The following SLC43A2 variants were observed in gnomAD, a reference collection of about 807,000 sequenced individuals.
SLC43A2 encodes solute carrier family 43 member 2, also known as large neutral amino acids transporter small subunit 4.
SLC43A2 carries 38 observed loss-of-function variants against 63.2 expected under a neutral mutation model. The ratio of observed to expected loss-of-function variants is 0.60; its 90% CI spans 0.46 to 0.79. The LOEUF is 0.79. SLC43A2 is among the 30% of genes least tolerant of loss of function. SLC43A2 has a pLI of 0.00. For missense variants in SLC43A2, 644 were observed against 756.2 expected, an observed-to-expected ratio of 0.85 and a Z score of 1.74; for synonymous variants, 322 against 331.0, an observed-to-expected ratio of 0.97 and a Z score of 0.30.
chr17:1,594,832 C>T (rs950773125), intron 5 of SLC43A2, among the ~76,000 whole-genome samples: 1 of 151,750 alleles, frequency 6.6e-6, no homozygotes, highest in African/African-American at 2.4e-5. Context: ...TCGTGATCCG[C>T]CCGCCTTGGC....
chr17:1,588,183 G>C (rs1567618222), intron 9 of SLC43A2, among the ~76,000 whole-genome samples: 2 of 152,132 alleles, frequency 1.3e-5, no homozygotes, highest in African/African-American at 4.8e-5. Context: ...TGGATCACTT[G>C]AAGTCAGGAG....
chr17:1,576,453 C>T, intron 13 of SLC43A2, 144 bp downstream of exon 13: 2 of 858,952 alleles, frequency 2.3e-6, no homozygotes, highest in Non-Finnish European at 1.7e-6. Context: ...GCCTAGCCAC[C>T]ATTCACAAAG....
intron 2 of SLC43A2, among the ~76,000 whole-genome samples, chr17:1,619,025 G>T (rs1907924332): frequency 6.7e-6 from 1 of 149,582 alleles, no homozygotes; most frequent in African/African-American, 2.5e-5. Flanking sequence ...ACAGAATCAG[G>T]CCGGGTACAG....
intron 5 of SLC43A2, chr17:1,604,346 G>A (rs1003419089): frequency 5.4e-5 from 9 of 165,502 alleles, no homozygotes; most frequent in East Asian, 3.2e-4. Context: ...GAGCCACCGC[G>A]CCCGGTCATT....
rs1907585148 is a variant in SLC43A2 at position 1,615,774 on chromosome 17, C to T, written c.369-740G>A. Among the ~76,000 whole-genome samples, 4 of 148,194 alleles carry T rather than the reference C, an allele frequency of 2.7e-5. No individual in the cohort carries two copies. In the South Asian group the frequency reaches 6.5e-4, roughly 24 times the overall value. On this transcript the variant is annotated intron_variant, in intron 3 of 13. Coordinates refer to ENST00000301335, the MANE Select transcript of SLC43A2 (RefSeq NM_152346.3). ...AGGAGAATAGCGTGAACCCGGGAGG[C>T]GGAGCTCGCAGTGAGCCGAGATCGC...
chr17:1,619,776 G>A (rs774562144), intron 2 of SLC43A2, among the ~76,000 whole-genome samples: 2 of 152,204 alleles, frequency 1.3e-5, no homozygotes. Context: ...AGGTTGACAT[G>A]CAGATAGGAG....
intron 5 of SLC43A2, among the ~76,000 whole-genome samples, chr17:1,594,012 T>C (rs1905049847): frequency 6.6e-6 from 1 of 152,110 alleles, no homozygotes; most frequent in Non-Finnish European, 1.5e-5. Flanking sequence ...CTAATTTTTG[T>C]ATTTTTAGTA....
At chr17:1,594,622 C>A (rs1158485946) in intron 5 of SLC43A2, among the ~76,000 whole-genome samples, 1 of 122,872 alleles carries the variant, frequency 8.1e-6, no homozygotes, top group Non-Finnish European at 1.6e-5. Context: ...GAGTCTCGCT[C>A]TTTCGCCCAG....
At chr17:1,592,219 G>C (rs532331197) in intron 6 of SLC43A2, among the ~76,000 whole-genome samples, 1 of 152,230 alleles carries the variant, frequency 6.6e-6, no homozygotes, top group East Asian at 1.9e-4. Flanking sequence ...ATGAGGTCAG[G>C]AGTTCCAGGC....
Position 1,605,831 on chromosome 17 carries a change from G to C in SLC43A2, c.501+7364C>G, listed in dbSNP as rs1428147339. ...ACATGCTGCCCGGGACAAGGTCCTT[G>C]TGGTCACCTTTCTGCTTCAGTGCTG... is the stretch of plus-strand genomic sequence containing the variant. On this transcript the variant is annotated intron_variant, in intron 5 of 13. Coordinates refer to ENST00000301335, the MANE Select transcript of SLC43A2 (RefSeq NM_152346.3). This position sits in a 1 kb window ranked among gnomAD's most constrained non-coding sequence, Gnocchi z 4.9. 6.6e-6 allele frequency among the ~76,000 whole-genome samples: 1 copy of C among 152,282 alleles called. No homozygotes were observed. Among genetic ancestry groups the C allele is most frequent in the African/African-American group, 2.4e-5 (1 of 41,538 alleles).
chr17:1,614,900 A>G (rs1003265996), intron 4 of SLC43A2, 79 bp downstream of exon 4: 9 of 1,454,418 alleles, frequency 6.2e-6, no homozygotes. Context: ...GACAGTGTCC[A>G]AGAGCAGGTG....
chr17:1,627,427 C>A (rs752489736), intron 2 of SLC43A2, among the ~76,000 whole-genome samples: 1 of 152,160 alleles, frequency 6.6e-6, no homozygotes, highest in South Asian at 2.1e-4. Flanking sequence ...CTGTTCGTAG[C>A]GGGTGGAAGG....
At chr17:1,607,632 C>T (rs1303541412) in intron 5 of SLC43A2, among the ~76,000 whole-genome samples, 7 of 152,150 alleles carry the variant, frequency 4.6e-5, no homozygotes, top group African/African-American at 1.7e-4. Context: ...CAGCACATGC[C>T]CTCAGACGAG....
intron 13 of SLC43A2, among the ~76,000 whole-genome samples, chr17:1,576,070 G>C (rs1204825746): frequency 2.3e-5 from 3 of 128,476 alleles, no homozygotes; most frequent in Non-Finnish European, 4.9e-5. Flanking sequence ...CAGGAACTGT[G>C]TTCTTTTTTT....
chr17:1,594,859 A>G (rs530258628), intron 5 of SLC43A2, among the ~76,000 whole-genome samples: 5 of 151,834 alleles, frequency 3.3e-5, no homozygotes, highest in South Asian at 2.1e-4. Flanking sequence ...AAGTGCTGGG[A>G]TTACAGGCGT....
chr17:1,626,536 C>T (rs1908681198), intron 2 of SLC43A2, among the ~76,000 whole-genome samples: 1 of 152,190 alleles, frequency 6.6e-6, no homozygotes, highest in Non-Finnish European at 1.5e-5. Context: ...CCTGCTTTCT[C>T]CTGCCCTGAA....
Position 1,578,101 on chromosome 17 carries a change from G to C in SLC43A2, c.1424+149C>G. On this transcript the variant is annotated intron_variant, in intron 12 of 13. Coordinates refer to ENST00000301335, the MANE Select transcript of SLC43A2 (RefSeq NM_152346.3). This position sits in a 1 kb window ranked among gnomAD's most constrained non-coding sequence, Gnocchi z 6.5. ...TGGCCTTTCCCTGAAACACCCAGCAGAAACCCTGGTACCTGTCCCCTGAAG... is the reference window on the plus strand; with the variant it reads ...TGGCCTTTCCCTGAAACACCCAGCACAAACCCTGGTACCTGTCCCCTGAAG... 1.4e-6 allele frequency: 1 copy of C among 725,140 alleles called. No individual in the cohort carries two copies. The highest frequency in any genetic ancestry group is 2.2e-6 in the Non-Finnish European group (1 of 449,144). 44.9% of individuals were successfully genotyped at this position (725,140 alleles called of 1,614,324 possible).
At position 1,627,880 on chromosome 17, in the gene SLC43A2, G is replaced by C. The variant is rs774934544; in HGVS notation, c.-6C>G. ...GTGGCCAGGGTGGGCGCCATGGTGCGGCGCGGCGCGGCTCCGGCTCCGGCT... is the reference window on the plus strand; with the variant it reads ...GTGGCCAGGGTGGGCGCCATGGTGCCGCGCGGCGCGGCTCCGGCTCCGGCT... On this transcript the variant is annotated 5_prime_UTR_variant, in exon 2 of 14. Transcript: ENST00000301335. 1 of 1,552,780 alleles carries C rather than the reference G, an allele frequency of 6.4e-7. No individual in the cohort carries two copies. Among genetic ancestry groups the C allele is most frequent in the South Asian group, 1.2e-5 (1 of 84,350 alleles).
At position 1,573,107 on chromosome 17, in the gene SLC43A2, T is replaced by C. The variant is rs927519874; in HGVS notation, c.*2497A>G. On this transcript the variant is annotated 3_prime_UTR_variant, in exon 14 of 14. Coordinates refer to ENST00000301335, the MANE Select transcript of SLC43A2 (RefSeq NM_152346.3). ...GGGAGGATCCCTTGAGCCCATGAGT[T>C]GGAGGCCGTGGTGAGCTATCAGTTG... The C allele has an allele frequency of 7.3e-6, 1 of 137,860 alleles. No homozygotes were observed. The highest frequency in any genetic ancestry group is 1.5e-5 in the Non-Finnish European group (1 of 66,550). 8.5% of individuals were successfully genotyped at this position (137,860 alleles called of 1,614,324 possible). A position where few individuals can be genotyped will look rare whatever the true frequency, so the allele number is the denominator to read the frequency against.
Sources: allele counts gnomAD v4.1 joint callset (sites outside exome capture counted in the v4.1 genomes callset), GRCh38; gene constraint gnomAD v4.1.1; non-coding constraint Gnocchi (gnomAD v3.1); transcripts MANE v1.5; gene names NCBI Gene and HGNC (gene_info 2026-07-23, HGNC 2026-07-21).